Variants in ETV3L observed in about 807,000 individuals in gnomAD.
ETV3L encodes ETS variant transcription factor 3 like, also known as ETS translocation variant 3-like protein.
ETV3L carries 30 observed loss-of-function variants against 27.6 expected under a neutral mutation model. The observed-to-expected ratio is 1.09, with a 90% CI of 0.81 to 1.48. ETV3L has a LOEUF of 1.48. Among genes scored for constraint, ETV3L ranks in the 40% most tolerant of loss-of-function variants. ETV3L has a pLI of 0.00. For synonymous variants in ETV3L, 186 were observed against 188.9 expected (o/e 0.98, Z 0.12); for missense variants, 443 against 455.6 (o/e 0.97, Z 0.25).
rs1284528338 is a variant in ETV3L, at chr1:157,092,151, G to A, written c.*498C>T. 6.4e-6 allele frequency: 1 copy of A among 155,858 alleles called. No individual in the cohort carries two copies. Among genetic ancestry groups the A allele is most frequent in the Non-Finnish European group, 1.4e-5 (1 of 70,576 alleles). The allele number at this position is 155,858 out of a possible 1,614,324, so 9.7% of individuals were successfully genotyped here. On this transcript the variant is annotated 3_prime_UTR_variant, in exon 5 of 5. Coordinates refer to ENST00000454449, the MANE Select transcript of ETV3L (RefSeq NM_001004341.2). ...CTGGGTCCTGGGGAAATGGAGAGAG[G>A]AGGAAGTGCCTGCATGGGACAGGGG...
chr1:157,096,332 A>G (rs1674218777), intron 4 of ETV3L, among the ~76,000 whole-genome samples: 1 of 152,140 alleles, frequency 6.6e-6, no homozygotes. Context: ...CTTGCCTATA[A>G]GTCCCATAAA....
intron 4 of ETV3L, among the ~76,000 whole-genome samples, chr1:157,097,639 T>A (rs895572042): frequency 2.0e-5 from 3 of 152,224 alleles, no homozygotes; most frequent in African/African-American, 7.2e-5. Context: ...CAGCAGTCGC[T>A]GGCAGTAATC....
Position 157,099,394 on chromosome 1 carries a change from A to G in ETV3L, c.59-16T>C. 1 of 1,613,930 alleles carries G rather than the reference A, an allele frequency of 6.2e-7. No homozygotes were observed. On this transcript the variant is annotated splice_polypyrimidine_tract_variant and intron_variant, in intron 1 of 4. Coordinates refer to ENST00000454449, the MANE Select transcript of ETV3L (RefSeq NM_001004341.2). Reference sequence around the variant, plus strand: ...AAGGCCAACCCTGGGTGGAGAGGGGAGAGTGAGGGCTCTGGAGGCCCTGCC... The same window carrying G: ...AAGGCCAACCCTGGGTGGAGAGGGGGGAGTGAGGGCTCTGGAGGCCCTGCC...
intron 2 of ETV3L, 104 bp from the exon 3 acceptor site, chr1:157,098,999 C>A: frequency 6.7e-7 from 1 of 1,483,926 alleles, no homozygotes; most frequent in Non-Finnish European, 9.2e-7. Flanking sequence ...CTAAGCTGTT[C>A]CCCGAGAACC....
intron 4 of ETV3L, 45 bp downstream of exon 4, chr1:157,097,823 C>T (rs1183734419): frequency 6.2e-7 from 1 of 1,609,342 alleles, no homozygotes; most frequent in South Asian, 1.1e-5. Flanking sequence ...GCCCTCCCTC[C>T]TCTGGCTAAG....
Position 157,099,456 on chromosome 1 carries a change from A to C in ETV3L, c.58+10T>G, listed in dbSNP as rs745621994. 3 of 1,613,870 alleles carry C rather than the reference A, an allele frequency of 1.9e-6. No homozygotes were observed. The highest frequency in any genetic ancestry group is 2.5e-6 in the Non-Finnish European group (3 of 1,179,966). ...TTGGAGCAGGGGGTAGGCCCGGCCAAGAGGCTCACCTGAGATCCAGTTGCC... is the reference window on the plus strand; with the variant it reads ...TTGGAGCAGGGGGTAGGCCCGGCCACGAGGCTCACCTGAGATCCAGTTGCC... On this transcript the variant is annotated intron_variant, in intron 1 of 4. Coordinates refer to ENST00000454449, the MANE Select transcript of ETV3L (RefSeq NM_001004341.2).
chr1:157,097,745 G>C, intron 4 of ETV3L, 123 bp downstream of exon 4: 1 of 1,224,048 alleles, frequency 8.2e-7, no homozygotes. Flanking sequence ...AATGTTGGTC[G>C]AATGAATGAA....
chr1:157,098,110 T>A (rs1674268921), intron 3 of ETV3L, 122 bp from the exon 4 acceptor site: 2 of 1,220,702 alleles, frequency 1.6e-6, no homozygotes, highest in South Asian at 1.7e-5. Context: ...GATTTTTTTT[T>A]TTTTGAGTTG....
At chr1:157,099,010 A>G in intron 2 of ETV3L, 115 bp from the exon 3 acceptor site, 1 of 1,489,456 alleles carries the variant, frequency 6.7e-7, no homozygotes, top group Admixed American at 1.8e-5. Context: ...CCCGAGAACC[A>G]CTAGGCTGCT....
In ETV3L at chr1:157,099,563, GAAATGGTCACC is replaced by G. The variant is rs1427734897; in HGVS notation, c.-51_-41del. On this transcript the variant is annotated 5_prime_UTR_variant, in exon 1 of 5. The change abolishes the stop of an existing upstream ORF in the 5' untranslated region. Transcript: ENST00000454449. The stretch of plus-strand genomic sequence containing the variant: ...AGATGGGCTGTGTCTGGGCCTTGGG[GAAATGGTCACC>G]ACTTAAGAGGAAGGGAAGGAAGGAG... 6.4e-7 allele frequency: 1 copy of G among 1,572,124 alleles called. No individual in the cohort carries two copies. Among genetic ancestry groups the G allele is most frequent in the Non-Finnish European group, 8.7e-7 (1 of 1,155,116 alleles).
intron 2 of ETV3L, 56 bp downstream of exon 2, chr1:157,099,085 A>G (rs1674287568): frequency 1.9e-6 from 3 of 1,601,108 alleles, no homozygotes; most frequent in Non-Finnish European, 2.6e-6. Context: ...ACCAGAAACC[A>G]CGGCCCTTTT....
intron 4 of ETV3L, among the ~76,000 whole-genome samples, chr1:157,097,619 T>G (rs1674254788): frequency 6.6e-6 from 1 of 152,228 alleles, no homozygotes; most frequent in South Asian, 2.1e-4. Flanking sequence ...AGTGCTTACC[T>G]GAATGCCAGC....
Position 157,098,766 on chromosome 1 carries a change from C to T in ETV3L, c.426G>A (p.Leu142=). 6.2e-7 allele frequency: 1 copy of T among 1,613,698 alleles called. No homozygotes were observed. The highest frequency in any genetic ancestry group is 1.1e-5 in the South Asian group (1 of 90,988). ...WEVRAPPSPH[L]LLGAPALCRP... is the part of the protein sequence containing the mutation. ...GACACAGGGCAGGGGCCCCCAGCAGCAAGTGGGGGGATGGCGGCGCCCGCA... is the reference window on the plus strand; with the variant it reads ...GACACAGGGCAGGGGCCCCCAGCAGTAAGTGGGGGGATGGCGGCGCCCGCA... Residue 142 remains leucine, a synonymous_variant, in exon 3 of 5, where the codon TTG becomes TTA. Transcript: ENST00000454449.
intron 3 of ETV3L, 27 bp from the exon 4 acceptor site, chr1:157,098,015 T>G (rs1361847946): frequency 6.4e-7 from 1 of 1,573,988 alleles, no homozygotes; most frequent in African/African-American, 1.4e-5. Context: ...AGGTGCGAGG[T>G]GTGATGGGCT....
chr1:157,093,025 G>A lies in ETV3L; in HGVS notation c.710C>T (p.Pro237Leu), dbSNP rs144579601. 35 of 1,596,462 alleles carry A rather than the reference G, an allele frequency of 2.2e-5. No individual in the cohort carries two copies. In the East Asian group the frequency reaches 4.3e-4, roughly 19 times the overall value. ...GGTCCAGTTGGAGGGCAGAGGGGGC[G>A]GGAGGGGAGGAGTGAAGGAGGCAAC... ...PGVASFTPPL[P>L]PPLPSNWTCL... The change falls in exon 5 of 5, where the codon CCG becomes CTG. Residue 237 changes from proline (P) to leucine (L), a missense_variant. By Grantham distance (98) the Pro-to-Leu change is moderately conservative (BLOSUM62 -3). Transcript: ENST00000454449.
chr1:157,096,791 T>C (rs1571681179), intron 4 of ETV3L, among the ~76,000 whole-genome samples: 2 of 152,212 alleles, frequency 1.3e-5, no homozygotes, highest in South Asian at 4.1e-4. Context: ...TGGTGGCGCA[T>C]GCCTGTAATC....
intron 4 of ETV3L, among the ~76,000 whole-genome samples, chr1:157,096,636 T>C (rs892700501): frequency 9.9e-5 from 15 of 152,164 alleles, no homozygotes; most frequent in African/African-American, 3.6e-4. Context: ...AAAATGAAAG[T>C]CTGGCAGGGC....
At chr1:157,095,937 A>G (rs780090171) in intron 4 of ETV3L, among the ~76,000 whole-genome samples, 1 of 152,134 alleles carries the variant, frequency 6.6e-6, no homozygotes, top group African/African-American at 2.4e-5. Flanking sequence ...GATCTTTTTC[A>G]CAGAAAATCT....
rs774118763 is a variant in ETV3L, at chr1:157,092,991, C to G, written c.744G>C (p.Ser248=). The change falls in exon 5 of 5, where the codon TCG becomes TCC. Residue 248 remains serine (S), a synonymous_variant. Coordinates refer to ENST00000454449, the MANE Select transcript of ETV3L (RefSeq NM_001004341.2). ...PPLPSNWTCL[S]GPFLPPLPSE... is the part of the protein sequence containing the mutation. ...ACGGGAGAGGAGGCAAGAAGGGCCC[C>G]GAGAGACAGGTCCAGTTGGAGGGCA... 15 of 1,612,592 alleles carry G rather than the reference C, an allele frequency of 9.3e-6. No homozygotes were observed. In the African/African-American group the frequency reaches 1.6e-4, roughly 17 times the overall value.
Sources: allele counts gnomAD v4.1 joint callset (sites outside exome capture counted in the v4.1 genomes callset), GRCh38; gene constraint gnomAD v4.1.1; transcripts MANE v1.5; gene names NCBI Gene and HGNC (gene_info 2026-07-23, HGNC 2026-07-21).